The following MMP16 variants were observed in gnomAD, a reference collection of about 807,000 sequenced individuals.
The protein encoded by MMP16 is matrix metalloproteinase-16.
Under a neutral mutation model 67.8 loss-of-function variants are expected in MMP16, and 12 were observed. That is an observed-to-expected ratio of 0.18 (90% CI 0.11 to 0.29). The LOEUF is 0.29. Ranked by LOEUF, MMP16 falls within the 10% of genes least tolerant of loss-of-function variation. The pLI is 1.00. For missense variants in MMP16, 475 were observed against 765.7 expected (o/e 0.62, Z 4.48); for synonymous variants, 249 against 255.9 (o/e 0.97, Z 0.26).
chr8:88,264,392 G>C (rs545711588), intron 1 of MMP16, among the ~76,000 whole-genome samples: 5 of 152,026 alleles, frequency 3.3e-5, no homozygotes, highest in Non-Finnish European at 7.4e-5. Context: ...TTAGAGATAG[G>C]ATCTTGCTGT....
intron 4 of MMP16, among the ~76,000 whole-genome samples, chr8:88,129,173 T>C (rs916557555): frequency 6.6e-6 from 1 of 151,816 alleles, no homozygotes; most frequent in Non-Finnish European, 1.5e-5. Context: ...CTAACCTATA[T>C]TCAAGTAAAC....
intron 1 of MMP16, among the ~76,000 whole-genome samples, chr8:88,206,284 G>T (rs910858309): frequency 6.6e-6 from 1 of 151,998 alleles, no homozygotes; most frequent in Non-Finnish European, 1.5e-5. Flanking sequence ...ACTATATATA[G>T]AAAAGTCCTC....
At chr8:88,043,601 C>A (rs887570970) in intron 9 of MMP16, among the ~76,000 whole-genome samples, 11 of 152,174 alleles carry the variant, frequency 7.2e-5, no homozygotes, top group African/African-American at 2.4e-4. Flanking sequence ...ATGAAGAACT[C>A]TGACATCTCT....
intron 1 of MMP16, among the ~76,000 whole-genome samples, chr8:88,254,837 G>C (rs1810277358): frequency 6.6e-6 from 1 of 152,102 alleles, no homozygotes; most frequent in South Asian, 2.1e-4. Context: ...TTAATAAACT[G>C]TGTATGTTAC....
At chr8:88,136,586 G>C (rs575972499) in intron 4 of MMP16, among the ~76,000 whole-genome samples, 49 of 150,144 alleles carry the variant, frequency 3.3e-4, no homozygotes, top group African/African-American at 7.8e-4. Context: ...CACAGATTAG[G>C]GTGCTCATTT....
chr8:88,175,916 T>A (rs1426017836), intron 3 of MMP16, among the ~76,000 whole-genome samples: 1 of 152,226 alleles, frequency 6.6e-6, no homozygotes, highest in Non-Finnish European at 1.5e-5. Flanking sequence ...CCTGCTGCCA[T>A]GTAAGTTGTG....
At chr8:88,294,128 A>C (rs1430816901) in intron 1 of MMP16, among the ~76,000 whole-genome samples, 1 of 151,862 alleles carries the variant, frequency 6.6e-6, no homozygotes, top group Non-Finnish European at 1.5e-5. Flanking sequence ...CCATTAACTA[A>C]GAAAACATTA....
At chr8:88,240,882 T>C (rs1810022728) in intron 1 of MMP16, among the ~76,000 whole-genome samples, 2 of 152,206 alleles carry the variant, frequency 1.3e-5, no homozygotes, top group South Asian at 4.1e-4. Flanking sequence ...CAACTTGGCT[T>C]TGTGGATCCA....
chr8:88,062,495 A>G (rs563330421), intron 7 of MMP16, among the ~76,000 whole-genome samples: 11 of 152,160 alleles, frequency 7.2e-5, no homozygotes, highest in Non-Finnish European at 1.2e-4. Flanking sequence ...GGATGAGTTC[A>G]TGTCCTTTGT....
intron 1 of MMP16, 94 bp downstream of exon 1, chr8:88,326,981 G>C (rs1811549168): frequency 2.0e-6 from 3 of 1,527,602 alleles, no homozygotes; most frequent in Non-Finnish European, 1.8e-6. Flanking sequence ...TGGGACCCAG[G>C]CTGCTCTGAG....
At chr8:88,253,798 A>T (rs143310981) in intron 1 of MMP16, among the ~76,000 whole-genome samples, 1 of 152,222 alleles carries the variant, frequency 6.6e-6, no homozygotes, top group Non-Finnish European at 1.5e-5. Flanking sequence ...AACTAGCTAA[A>T]CAGCAATCAT....
chr8:88,124,679 A>C (rs1807896532), intron 4 of MMP16, among the ~76,000 whole-genome samples: 1 of 151,928 alleles, frequency 6.6e-6, no homozygotes, highest in Non-Finnish European at 1.5e-5. Flanking sequence ...ACTAATAATA[A>C]ACTTAATATT....
chr8:88,089,227 G>T (rs1392758175), intron 6 of MMP16, among the ~76,000 whole-genome samples: 1 of 152,012 alleles, frequency 6.6e-6, no homozygotes, highest in African/African-American at 2.4e-5. Context: ...GAAGGATGAA[G>T]TTGACTGGGC....
chr8:88,262,120 A>G (rs926525774), intron 1 of MMP16, among the ~76,000 whole-genome samples: 6 of 152,146 alleles, frequency 3.9e-5, no homozygotes, highest in Non-Finnish European at 8.8e-5. Flanking sequence ...TTAGTCAATA[A>G]TCCAAGCCAC....
At chr8:88,215,061 GGCTCAC>G (rs1226427850) in intron 1 of MMP16, among the ~76,000 whole-genome samples, 1 of 152,146 alleles carries the variant, frequency 6.6e-6, no homozygotes, top group Non-Finnish European at 1.5e-5. Flanking sequence ...TGGGCGCTGT[GGCTCAC>G]GCCTGTAATC....
intron 1 of MMP16, among the ~76,000 whole-genome samples, chr8:88,245,740 G>A (rs992793880): frequency 6.6e-6 from 1 of 152,120 alleles, no homozygotes; most frequent in Non-Finnish European, 1.5e-5. Context: ...AACAGCATCA[G>A]GCAATGATGA....
In MMP16 at chr8:88,282,086, G is replaced by C. The variant is rs974760496; in HGVS notation, c.132+44989C>G. ...TCCAGATTTTTTTTTCTTTTTTGGGGGGGGGGGGGCGACGGGGTCTTGCTG... is the reference window on the plus strand; with the variant it reads ...TCCAGATTTTTTTTTCTTTTTTGGGCGGGGGGGGGCGACGGGGTCTTGCTG... On this transcript the variant is annotated intron_variant, in intron 1 of 9. Transcript: ENST00000286614. Among the ~76,000 whole-genome samples the C allele has an allele frequency of 1.7e-4, 25 of 148,488 alleles. No homozygotes were observed. The East Asian group carries it at 3.5e-3, about 21-fold the overall frequency.
chr8:88,278,564 G>A (rs1810684711), intron 1 of MMP16, among the ~76,000 whole-genome samples: 1 of 152,148 alleles, frequency 6.6e-6, no homozygotes, highest in Non-Finnish European at 1.5e-5. Context: ...TGTAGGCTCT[G>A]AAAGACATGG....
chr8:88,089,291 C>T (rs146895085), intron 6 of MMP16, among the ~76,000 whole-genome samples: 46 of 152,054 alleles, frequency 3.0e-4, no homozygotes, highest in Middle Eastern at 3.4e-3. Flanking sequence ...GAAGTTAATA[C>T]GTATCACACA....
Sources: gnomAD v4.1 joint callset for allele counts (sites outside exome capture counted in the v4.1 genomes callset) on GRCh38, gnomAD v4.1.1 for gene constraint, MANE v1.5 for transcripts, NCBI Gene and HGNC (gene_info 2026-07-23, HGNC 2026-07-21) for gene names.